Variants in DGKG observed in about 807,000 individuals in gnomAD.
DGKG encodes DAG kinase gamma.
DGKG carries 78 observed loss-of-function variants against 105.3 expected under a neutral mutation model. The observed-to-expected ratio is 0.74, with a 90% CI of 0.62 to 0.89. The LOEUF (loss-of-function observed/expected upper bound fraction) is 0.89. Ranked by LOEUF, DGKG falls within the 40% of genes least tolerant of loss-of-function variation. The probability of loss-of-function intolerance (pLI) is 0.00; values close to 1 mark genes in which losing one functional copy is unlikely to be tolerated. For synonymous variants in DGKG, 346 were observed against 367.1 expected (o/e 0.94, Z 0.66); for missense variants, 958 against 1,020.1 (o/e 0.94, Z 0.83).
chr3:186,213,232 G>A (rs1034576416), intron 20 of DGKG, among the ~76,000 whole-genome samples: 1 of 152,246 alleles, frequency 6.6e-6, no homozygotes, highest in African/African-American at 2.4e-5. Flanking sequence ...AGAGCTGGGT[G>A]TACTGTAAGC....
intron 5 of DGKG, 59 bp downstream of exon 5, chr3:186,297,362 C>A (rs1357035065): frequency 7.5e-7 from 1 of 1,325,634 alleles, no homozygotes; most frequent in Admixed American, 1.7e-5. Context: ...TTCCCCACTT[C>A]TCCCCAAGGA....
intron 22 of DGKG, among the ~76,000 whole-genome samples, chr3:186,173,030 G>C (rs1405625493): frequency 2.6e-5 from 4 of 152,196 alleles, no homozygotes; most frequent in African/African-American, 9.7e-5. Flanking sequence ...CTGCCCTCTG[G>C]CTGCCTCTTC....
chr3:186,345,517 TC>T (rs1268242517), intron 1 of DGKG, among the ~76,000 whole-genome samples: 1 of 152,224 alleles, frequency 6.6e-6, no homozygotes, highest in African/African-American at 2.4e-5. Flanking sequence ...CCCCCTTGAT[TC>T]AGAAGGTGGG....
intron 24 of DGKG, among the ~76,000 whole-genome samples, chr3:186,156,393 T>G (rs1716038083): frequency 6.6e-6 from 1 of 152,174 alleles, no homozygotes; most frequent in African/African-American, 2.4e-5. Context: ...GTTTATAATC[T>G]TTCTCTTTCC....
intron 3 of DGKG, among the ~76,000 whole-genome samples, chr3:186,304,815 C>T (rs1214490511): frequency 1.3e-5 from 2 of 152,154 alleles, no homozygotes; most frequent in East Asian, 3.8e-4. Flanking sequence ...TTATTCAAGA[C>T]CACTTGTTGA....
chr3:186,209,592 C>T (rs936894640), intron 21 of DGKG, among the ~76,000 whole-genome samples: 13 of 152,056 alleles, frequency 8.5e-5, no homozygotes, highest in African/African-American at 2.4e-4. Context: ...GCTGGTGGGT[C>T]GTGTGCTGGT....
At position 186,218,376 on chromosome 3, in the gene DGKG, T is replaced by C. The variant is rs372914546; in HGVS notation, c.1827-6491A>G. Among the ~76,000 whole-genome samples the C allele has an allele frequency of 4.0e-5, 6 of 151,710 alleles. No homozygotes were observed. The East Asian group carries it at 5.8e-4, about 15-fold the overall frequency. ...AAAATTAGCTGGGCGTGGTGGTGCA[T>C]GACTGTAATCCCAGCTACTCGGGAA... On this transcript the variant is annotated intron_variant, in intron 20 of 24. Coordinates refer to ENST00000265022, the MANE Select transcript of DGKG (RefSeq NM_001346.3).
chr3:186,334,537 G>A (rs1725741086), intron 1 of DGKG, among the ~76,000 whole-genome samples: 1 of 152,204 alleles, frequency 6.6e-6, no homozygotes, highest in Non-Finnish European at 1.5e-5. Flanking sequence ...GCCTAGCCCA[G>A]ACAATATGTC....
chr3:186,293,430 T>G (rs1204398810), intron 5 of DGKG, among the ~76,000 whole-genome samples: 1 of 152,192 alleles, frequency 6.6e-6, no homozygotes, highest in Non-Finnish European at 1.5e-5. Context: ...ATTTCAATAT[T>G]CCAAGTCGCT....
chr3:186,230,162 G>A (rs1261327309), intron 20 of DGKG, among the ~76,000 whole-genome samples: 1 of 152,186 alleles, frequency 6.6e-6, no homozygotes, highest in Non-Finnish European at 1.5e-5. Context: ...GGAGGCTGAG[G>A]CAGGAGCATT....
At chr3:186,193,445 C>A (rs1418541743) in intron 21 of DGKG, among the ~76,000 whole-genome samples, 1 of 152,260 alleles carries the variant, frequency 6.6e-6, no homozygotes, top group Non-Finnish European at 1.5e-5. Context: ...TCCCCAACCT[C>A]TGTGCCATGA....
chr3:186,333,122 G>T (rs1250068617), intron 1 of DGKG, among the ~76,000 whole-genome samples: 2 of 152,172 alleles, frequency 1.3e-5, no homozygotes, highest in African/African-American at 2.4e-5. Context: ...GCAGAAAATG[G>T]ACTAAGTGTT....
At chr3:186,335,316 C>T (rs1725781552) in intron 1 of DGKG, among the ~76,000 whole-genome samples, 1 of 152,214 alleles carries the variant, frequency 6.6e-6, no homozygotes, top group African/African-American at 2.4e-5. Context: ...ACCTTGTGAT[C>T]TGCCTGCCTT....
rs772000722 is a variant in DGKG at position 186,297,059 on chromosome 3, CTGT to C, written c.373+359_373+361del. 3.3e-3 allele frequency among the ~76,000 whole-genome samples: 441 copies of C among 135,276 alleles called. 2 individuals carry two copies. The highest frequency in any genetic ancestry group is 0.012 in the African/African-American group (428 of 36,104). 88.7% of individuals were successfully genotyped at this position (135,276 alleles called of 152,430 possible). A position where few individuals can be genotyped will look rare whatever the true frequency, so the allele number is the denominator to read the frequency against. ...CAGCCACCTCTCTCTGTCTGTCTGTCTGTCTCTCTCACACACACACACACACAC... is the reference window on the plus strand; with the variant it reads ...CAGCCACCTCTCTCTGTCTGTCTGTCCTCTCTCACACACACACACACACAC... On this transcript the variant is annotated intron_variant, in intron 5 of 24. Coordinates refer to ENST00000265022, the MANE Select transcript of DGKG (RefSeq NM_001346.3).
chr3:186,338,146 G>C (rs1051481895), intron 1 of DGKG, among the ~76,000 whole-genome samples: 3 of 146,636 alleles, frequency 2.0e-5, no homozygotes, highest in African/African-American at 7.7e-5. Flanking sequence ...CTCTAGCCCA[G>C]GCAACAGAGT....
At chr3:186,212,606 TC>T (rs1441654013) in intron 20 of DGKG, among the ~76,000 whole-genome samples, 1 of 152,024 alleles carries the variant, frequency 6.6e-6, no homozygotes, top group East Asian at 1.9e-4. Flanking sequence ...TTCAGCATTT[TC>T]CTTGAGAGAA....
intron 24 of DGKG, among the ~76,000 whole-genome samples, chr3:186,152,908 C>T (rs903728439): frequency 5.9e-5 from 9 of 151,602 alleles, no homozygotes; most frequent in East Asian, 1.9e-4. Context: ...ATGATCCGCC[C>T]GTGTCGGCCT....
intron 1 of DGKG, among the ~76,000 whole-genome samples, chr3:186,343,306 T>G (rs184517189): frequency 6.6e-6 from 1 of 152,294 alleles, no homozygotes; most frequent in African/African-American, 2.4e-5. Context: ...TTCTTTTTTT[T>G]TGGAGACAAA....
chr3:186,240,301 A>G (rs1285954046), intron 20 of DGKG, among the ~76,000 whole-genome samples: 2 of 152,142 alleles, frequency 1.3e-5, no homozygotes, highest in Non-Finnish European at 2.9e-5. Context: ...CTCCAGTTAC[A>G]TCACTTAACA....
Sources: gnomAD v4.1 joint callset for allele counts (sites outside exome capture counted in the v4.1 genomes callset) on GRCh38, gnomAD v4.1.1 for gene constraint, MANE v1.5 for transcripts, NCBI Gene and HGNC (gene_info 2026-07-23, HGNC 2026-07-21) for gene names.